COPB2: variants seen among roughly 807,000 people sequenced by gnomAD.
The protein encoded by COPB2 is coatomer subunit beta'.
COPB2 carries 16 observed loss-of-function variants against 120.8 expected under a neutral mutation model. That is an observed-to-expected ratio of 0.13 (90% CI 0.09 to 0.20). The LOEUF (loss-of-function observed/expected upper bound fraction) is 0.20. COPB2 is among the 10% of genes least tolerant of loss of function. The pLI, the probability that COPB2 is intolerant of heterozygous loss-of-function variation, is 1.00. For synonymous variants in COPB2, 332 were observed against 366.3 expected (o/e 0.91, Z 1.07); for missense variants, 794 against 1,076.5 (o/e 0.74, Z 3.67).
intron 15 of COPB2, among the ~76,000 whole-genome samples, chr3:139,364,648 T>G (rs1034803899): frequency 1.3e-5 from 2 of 152,220 alleles, no homozygotes; most frequent in African/African-American, 4.8e-5. Flanking sequence ...AGCACATTGT[T>G]AAGTGCTTGT....
intron 10 of COPB2, among the ~76,000 whole-genome samples, chr3:139,369,810 C>T (rs1052636107): frequency 5.9e-5 from 9 of 152,158 alleles, no homozygotes; most frequent in African/African-American, 2.2e-4. Context: ...CAAATGTCCA[C>T]AATAGGTGAA....
chr3:139,360,976 C>T (rs1941408793), intron 17 of COPB2, 105 bp downstream of exon 17: 4 of 1,260,618 alleles, frequency 3.2e-6, no homozygotes, highest in South Asian at 1.3e-5. Flanking sequence ...GTCTATTCAA[C>T]ACCATTTGGC....
At chr3:139,361,404 G>C (rs777924011) in intron 16 of COPB2, 109 bp from the exon 17 acceptor site, 7 of 1,100,328 alleles carry the variant, frequency 6.4e-6, no homozygotes, top group Non-Finnish European at 9.0e-6. Flanking sequence ...AGCTGTGTTT[G>C]TTAAGTTGGC....
At chr3:139,383,093 T>C (rs1195970595) in intron 2 of COPB2, 7 of 585,030 alleles carry the variant, frequency 1.2e-5, no homozygotes, top group Non-Finnish European at 2.1e-5. Context: ...TATTTAAATA[T>C]TGTATATAAC....
intron 7 of COPB2, 147 bp downstream of exon 7, chr3:139,374,342 C>T: frequency 1.6e-6 from 1 of 613,772 alleles, no homozygotes; most frequent in Non-Finnish European, 2.9e-6. Flanking sequence ...AATAATGCCC[C>T]TTTACTCTTT....
In COPB2 at chr3:139,368,468, G is replaced by C. The variant is rs759614303; in HGVS notation, c.1402-180C>G. ...AGCTATTATGTGGCTATGCTATTTA[G>C]CCTAGCAATGGAAAGACCAAAGGGA... On this transcript the variant is annotated intron_variant, in intron 12 of 21. Transcript: ENST00000333188. 1.1e-4 allele frequency among the ~76,000 whole-genome samples: 16 copies of C among 152,264 alleles called. No homozygotes were observed. The Middle Eastern group carries it at 0.01, about 97-fold the overall frequency.
In COPB2 at chr3:139,373,437, A is replaced by G. The variant is rs765298674; in HGVS notation, c.895-25T>C. ...GCTGAAAGAAAGAAAAATAGCTCTC[A>G]GCAATGAAAAGGAAAATGAATAAAA... On this transcript the variant is annotated intron_variant, in intron 8 of 21. Coordinates refer to ENST00000333188, the MANE Select transcript of COPB2 (RefSeq NM_004766.3). 1.9e-6 allele frequency: 3 copies of G among 1,611,666 alleles called. No homozygotes were observed. In the African/African-American group the frequency reaches 4.0e-5, roughly 22 times the overall value.
chr3:139,389,595 A>C lies in COPB2; in HGVS notation c.-45T>G, dbSNP rs915771839. On this transcript the variant is annotated 5_prime_UTR_variant, in exon 1 of 22. Transcript: ENST00000333188. The stretch of plus-strand genomic sequence containing the variant: ...CGGGAACCCTCGTTTGTTACCGGCT[A>C]CTCAGGCCTTGAGATAAACCCACCG... The C allele has an allele frequency of 3.9e-6, 6 of 1,555,020 alleles. No homozygotes were observed. The highest frequency in any genetic ancestry group is 2.7e-5 in the African/African-American group (2 of 73,414).
chr3:139,383,829 T>C (rs1941860415), intron 1 of COPB2, among the ~76,000 whole-genome samples: 1 of 151,362 alleles, frequency 6.6e-6, no homozygotes, highest in African/African-American at 2.4e-5. Context: ...CCAGTACATG[T>C]TAATTAAAAT....
Position 139,389,577 on chromosome 3 carries a change from C to T in COPB2, c.-27G>A, listed in dbSNP as rs765858247. The stretch of plus-strand genomic sequence containing the variant: ...GCTGCGTCGGTCCAATCCCGGGAAC[C>T]CTCGTTTGTTACCGGCTACTCAGGC... On this transcript the variant is annotated 5_prime_UTR_variant, in exon 1 of 22. Transcript: ENST00000333188. 2 of 1,571,738 alleles carry T rather than the reference C, an allele frequency of 1.3e-6. No homozygotes were observed. Among genetic ancestry groups the T allele is most frequent in the East Asian group, 2.3e-5 (1 of 42,584 alleles).
At chr3:139,368,381 T>C (rs1251219816) in intron 12 of COPB2, 93 bp from the exon 13 acceptor site, 1 of 1,301,484 alleles carries the variant, frequency 7.7e-7, no homozygotes, top group Non-Finnish European at 1.0e-6. Flanking sequence ...ATTTACCTTC[T>C]TATATCAAGA....
chr3:139,358,695 A>T (rs762874816), intron 20 of COPB2, 49 bp downstream of exon 20: 2 of 1,349,192 alleles, frequency 1.5e-6, no homozygotes, highest in Non-Finnish European at 2.1e-6. Context: ...GAAAAAAAAA[A>T]AAAGTGAACC....
At chr3:139,386,755 T>C (rs942480685) in intron 1 of COPB2, among the ~76,000 whole-genome samples, 1 of 152,082 alleles carries the variant, frequency 6.6e-6, no homozygotes, top group African/African-American at 2.4e-5. Flanking sequence ...AATGAGGAAA[T>C]TGGACACTTA....
chr3:139,370,465 GGGTAACTAAAACTGCA>G (rs1941603374), intron 10 of COPB2, among the ~76,000 whole-genome samples: 1 of 152,176 alleles, frequency 6.6e-6, no homozygotes, highest in Admixed American at 6.5e-5. Context: ...AGTTGACTGT[GGGTAACTAAAACTGCA>G]GGAAGGGAAA....
rs766591312 is a variant in COPB2 at position 139,369,313 on chromosome 3, T to C, written c.1349A>G (p.Tyr450Cys). Residue 450 changes from tyrosine to cysteine, a missense_variant, in exon 12 of 22, where the codon TAT becomes TGT. Coordinates refer to ENST00000333188, the MANE Select transcript of COPB2 (RefSeq NM_004766.3). ...GVRSVNGLAFYDWDNTELIRR... is the reference protein window; with the variant it reads ...GVRSVNGLAFCDWDNTELIRR... ...TATGAGTTCTGTATTGTCCCAGTCATAGAAGGCTAAGCCATTTACAGATCT... is the reference window on the plus strand; with the variant it reads ...TATGAGTTCTGTATTGTCCCAGTCACAGAAGGCTAAGCCATTTACAGATCT... 19 of 1,613,746 alleles carry C rather than the reference T, an allele frequency of 1.2e-5. No homozygotes were observed. The highest frequency in any genetic ancestry group is 1.4e-5 in the Non-Finnish European group (17 of 1,179,792).
chr3:139,357,618 G>T lies in COPB2; in HGVS notation c.*245C>A, dbSNP rs1941314251. The T allele has an allele frequency of 2.8e-6, 1 of 357,364 alleles. No homozygotes were observed. The highest frequency in any genetic ancestry group is 5.0e-6 in the Non-Finnish European group (1 of 200,510). The allele number at this position is 357,364 out of a possible 1,614,324, so 22.1% of individuals were successfully genotyped here. A position where few individuals can be genotyped will look rare whatever the true frequency, so the allele number is the denominator to read the frequency against. On this transcript the variant is annotated 3_prime_UTR_variant, in exon 22 of 22. Transcript: ENST00000333188. The stretch of plus-strand genomic sequence containing the variant: ...AATTCAAAAGGTTTTATGAGATATG[G>T]TCTAATAGTATGAAAAAAATCAAAG...
At chr3:139,365,605 C>T (rs537594250) in intron 15 of COPB2, among the ~76,000 whole-genome samples, 1 of 152,124 alleles carries the variant, frequency 6.6e-6, no homozygotes, top group East Asian at 1.9e-4. Context: ...AAGGAAGCCC[C>T]AACATGATGG....
chr3:139,379,550 T>A, intron 2 of COPB2, 84 bp from the exon 3 acceptor site: 1 of 1,091,022 alleles, frequency 9.2e-7, no homozygotes, highest in Non-Finnish European at 1.4e-6. Context: ...AACATCCAAT[T>A]TTTAAGATCA....
chr3:139,358,513 A>G (rs1348335915), intron 20 of COPB2: 4 of 597,552 alleles, frequency 6.7e-6, no homozygotes, highest in Non-Finnish European at 1.2e-5. Flanking sequence ...CCTGTCTCTA[A>G]TAAAAATACA....
Sources: allele counts gnomAD v4.1 joint callset (sites outside exome capture counted in the v4.1 genomes callset), GRCh38; gene constraint gnomAD v4.1.1; transcripts MANE v1.5; gene names NCBI Gene and HGNC (gene_info 2026-07-23, HGNC 2026-07-21).